GATAD2A: variants seen among roughly 807,000 people sequenced by gnomAD.
GATAD2A encodes the protein GATA zinc finger domain containing 2A.
Under a neutral mutation model 68.5 loss-of-function variants are expected in GATAD2A, and 12 were observed. The ratio of observed to expected loss-of-function variants is 0.18; its 90% CI spans 0.11 to 0.28. The LOEUF (loss-of-function observed/expected upper bound fraction) is 0.28, where lower values mean the gene tolerates loss of function less well. Ranked by LOEUF, GATAD2A falls within the 10% of genes least tolerant of loss-of-function variation. GATAD2A has a pLI of 1.00. For synonymous variants in GATAD2A, 410 were observed against 375.3 expected, an observed-to-expected ratio of 1.09 and a Z score of -1.07; for missense variants, 755 against 868.5, an observed-to-expected ratio of 0.87 and a Z score of 1.64.
chr19:19,421,218 C>T (rs573914421), intron 1 of GATAD2A, among the ~76,000 whole-genome samples: 1 of 152,238 alleles, frequency 6.6e-6, no homozygotes, highest in South Asian at 2.1e-4. Flanking sequence ...GGGTCTGGAT[C>T]TGCTTGAGGT....
chr19:19,431,344 C>T (rs562406775), intron 1 of GATAD2A, among the ~76,000 whole-genome samples: 3 of 150,946 alleles, frequency 2.0e-5, no homozygotes, highest in Non-Finnish European at 2.9e-5. Flanking sequence ...CAGTGGGCTC[C>T]TCAGATCGGC....
intron 1 of GATAD2A, among the ~76,000 whole-genome samples, chr19:19,393,889 T>C (rs1192022957): frequency 1.3e-5 from 2 of 151,598 alleles, no homozygotes. Flanking sequence ...TTTGCCTTTG[T>C]TTCTTTTTTT....
chr19:19,400,682 T>C (rs991417109), upstream of GATAD2A, among the ~76,000 whole-genome samples: 10 of 152,124 alleles, frequency 6.6e-5, no homozygotes, highest in Non-Finnish European at 1.3e-4. Context: ...ATTAATCTTT[T>C]CTTTTCTTTT....
At chr19:19,419,706 G>A (rs928531101) in intron 1 of GATAD2A, among the ~76,000 whole-genome samples, 1 of 151,864 alleles carries the variant, frequency 6.6e-6, no homozygotes. Context: ...AGTAGAGATG[G>A]GGTTTTGCCA....
intron 1 of GATAD2A, among the ~76,000 whole-genome samples, chr19:19,430,977 GTGTGTGTGTGTGTGT>G (rs1232742765): frequency 1.1e-4 from 5 of 45,720 alleles, no homozygotes; most frequent in South Asian, 7.3e-4. Flanking sequence ...TATGGTAGGG[GTGTGTGTGTGTGTGT>G]GTGTGTGTGT....
At chr19:19,413,475 A>T (rs190755347) in intron 1 of GATAD2A, among the ~76,000 whole-genome samples, 1 of 152,102 alleles carries the variant, frequency 6.6e-6, no homozygotes, top group East Asian at 1.9e-4. Context: ...GTTCATGCCC[A>T]CCCCGTTCAG....
At chr19:19,444,721 A>G (rs143983466) in intron 1 of GATAD2A, among the ~76,000 whole-genome samples, 2,474 of 152,074 alleles carry the variant, frequency 0.016, 81 homozygotes, top group South Asian at 0.085. Context: ...AAGTACAAAA[A>G]TTAGCCAGGT....
intron 1 of GATAD2A, among the ~76,000 whole-genome samples, chr19:19,387,741 A>G (rs966421022): frequency 3.3e-5 from 5 of 151,556 alleles, no homozygotes; most frequent in Non-Finnish European, 5.9e-5. Context: ...CTTCTTTTCT[A>G]TTTCTTCTGG....
chr19:19,422,451 G>C (rs1376091653), intron 1 of GATAD2A, among the ~76,000 whole-genome samples: 1 of 152,134 alleles, frequency 6.6e-6, no homozygotes, highest in African/African-American at 2.4e-5. Context: ...CGTCCACCTG[G>C]CACCTGCTTT....
At chr19:19,416,130 A>T (rs2051608491) in intron 1 of GATAD2A, among the ~76,000 whole-genome samples, 1 of 152,106 alleles carries the variant, frequency 6.6e-6, no homozygotes. Context: ...ATGTAATTGC[A>T]CTTAATTTGT....
intron 2 of GATAD2A, among the ~76,000 whole-genome samples, chr19:19,471,085 G>A (rs547684167): frequency 6.7e-4 from 102 of 152,098 alleles, no homozygotes; most frequent in African/African-American, 2.4e-3. Context: ...GTGAAACCCC[G>A]TCTCCACTAA....
At chr19:19,399,391 A>G (rs1190358192) in intron 1 of GATAD2A, among the ~76,000 whole-genome samples, 2 of 151,954 alleles carry the variant, frequency 1.3e-5, no homozygotes, top group African/African-American at 4.8e-5. Context: ...GGGTTTTGCC[A>G]TGTTGCCCAG....
At position 19,506,758 on chromosome 19, in the gene GATAD2A, C is replaced by G. The variant is rs1429988464; in HGVS notation, c.*1284C>G. On this transcript the variant is annotated 3_prime_UTR_variant, in exon 12 of 12. Transcript: ENST00000683918. ...AGGAAAGGCAGAAGCCGTTCCGTGTCTCTTGCAGGCTGGGCCGGCTTCATG... is the reference window on the plus strand; with the variant it reads ...AGGAAAGGCAGAAGCCGTTCCGTGTGTCTTGCAGGCTGGGCCGGCTTCATG... The G allele has an allele frequency of 6.6e-6, 1 of 152,096 alleles. No homozygotes were observed. The highest frequency in any genetic ancestry group is 1.5e-5 in the Non-Finnish European group (1 of 67,998). The allele number at this position is 152,096 out of a possible 1,614,324, so 9.4% of individuals were successfully genotyped here. A position where few individuals can be genotyped will look rare whatever the true frequency, so the allele number is the denominator to read the frequency against.
At chr19:19,461,393 G>A (rs941175372) in intron 1 of GATAD2A, among the ~76,000 whole-genome samples, 3 of 152,222 alleles carry the variant, frequency 2.0e-5, no homozygotes, top group African/African-American at 7.2e-5. Context: ...TGTGCCAGAA[G>A]TGTGCTGGGT....
intron 1 of GATAD2A, chr19:19,465,050 C>G (rs1324310477): frequency 2.0e-6 from 1 of 503,108 alleles, no homozygotes; most frequent in Non-Finnish European, 3.6e-6. Flanking sequence ...TCCACTGCTC[C>G]TGTTCAGCAC....
At chr19:19,428,065 T>A (rs1226366984) in intron 1 of GATAD2A, 1 of 152,248 alleles carries the variant, frequency 6.6e-6, no homozygotes, top group Non-Finnish European at 1.5e-5. Flanking sequence ...TATTTTTATT[T>A]TATTTTTATT....
chr19:19,497,238 G>T (rs1402598891), intron 7 of GATAD2A, among the ~76,000 whole-genome samples: 1 of 152,262 alleles, frequency 6.6e-6, no homozygotes, highest in East Asian at 1.9e-4. Flanking sequence ...TGGGACTACA[G>T]GCGCCTGCCA....
intron 1 of GATAD2A, among the ~76,000 whole-genome samples, chr19:19,397,788 A>G (rs921222439): frequency 6.6e-6 from 1 of 152,188 alleles, no homozygotes; most frequent in African/African-American, 2.4e-5. Flanking sequence ...GCTGGAGTAC[A>G]CTGGCATTAC....
chr19:19,437,115 T>G (rs2054455096), intron 1 of GATAD2A, among the ~76,000 whole-genome samples: 1 of 152,226 alleles, frequency 6.6e-6, no homozygotes, highest in African/African-American at 2.4e-5. Flanking sequence ...AATGAAACTT[T>G]CGTGGTACTT....
Sources: allele counts gnomAD v4.1 joint callset (sites outside exome capture counted in the v4.1 genomes callset), GRCh38; gene constraint gnomAD v4.1.1; transcripts MANE v1.5; gene names NCBI Gene and HGNC (gene_info 2026-07-23, HGNC 2026-07-21).